Variants in SGPL1 observed in about 807,000 individuals in gnomAD.
The protein encoded by SGPL1 is sphingosine-1-phosphate lyase 1.
In SGPL1, 37 loss-of-function variants were observed where a neutral mutation model predicts 68.9. The ratio of observed to expected loss-of-function variants is 0.54; its 90% confidence interval spans 0.41 to 0.71. The LOEUF is 0.71. Ranked by LOEUF, SGPL1 falls within the 30% of genes least tolerant of loss-of-function variation. The pLI is 0.00. For missense variants in SGPL1, 551 were observed against 704.6 expected, an observed-to-expected ratio of 0.78 and a Z score of 2.47; for synonymous variants, 236 against 248.5, an observed-to-expected ratio of 0.95 and a Z score of 0.47.
rs113187186 is a variant in SGPL1 at position 70,877,567 on chromosome 10, T to C, written c.*232T>C. 2.5e-5 allele frequency: 12 copies of C among 483,406 alleles called. No individual in the cohort carries two copies. The highest frequency in any genetic ancestry group is 1.1e-4 in the African/African-American group (6 of 52,872). The allele number at this position is 483,406 out of a possible 1,614,324, so 29.9% of individuals were successfully genotyped here. ...TTACATAATGATTTTGCCCTTGTTA[T>C]AAATGTTACCCTAGGAATTGTTTTA... On this transcript the variant is annotated 3_prime_UTR_variant, in exon 15 of 15. Transcript: ENST00000373202.
chr10:70,859,120 G>A (rs755805694), intron 6 of SGPL1, among the ~76,000 whole-genome samples: 2 of 152,160 alleles, frequency 1.3e-5, no homozygotes, highest in Non-Finnish European at 2.9e-5. Context: ...CTTCCTCCTG[G>A]GTCGGTTTGG....
intron 2 of SGPL1, among the ~76,000 whole-genome samples, chr10:70,840,364 AG>A (rs1452329565): frequency 6.6e-6 from 1 of 152,012 alleles, no homozygotes; most frequent in African/African-American, 2.4e-5. Flanking sequence ...GTGCTTCCCA[AG>A]GGCTAGAGTA....
At chr10:70,818,654 A>G (rs1012232727) in intron 2 of SGPL1, among the ~76,000 whole-genome samples, 2 of 152,282 alleles carry the variant, frequency 1.3e-5, no homozygotes, top group South Asian at 4.1e-4. Flanking sequence ...GTTTTGATCC[A>G]TTGTGATTTG....
intron 2 of SGPL1, among the ~76,000 whole-genome samples, chr10:70,842,966 C>T (rs1845738662): frequency 6.6e-6 from 1 of 151,434 alleles, no homozygotes; most frequent in Admixed American, 6.6e-5. Flanking sequence ...GAAATGGTCC[C>T]TGCCATCATG....
At chr10:70,848,211 A>C (rs1200434446) in intron 3 of SGPL1, among the ~76,000 whole-genome samples, 2 of 152,180 alleles carry the variant, frequency 1.3e-5, no homozygotes, top group Non-Finnish European at 2.9e-5. Context: ...TGGACATCAT[A>C]ATAGCTGCTT....
At chr10:70,857,461 T>C (rs1839223203) in intron 5 of SGPL1, 153 bp from the exon 6 acceptor site, 2 of 607,826 alleles carry the variant, frequency 3.3e-6, no homozygotes, top group Non-Finnish European at 5.9e-6. Flanking sequence ...CTATTGAACT[T>C]TTTTCTTGAT....
chr10:70,833,140 T>C (rs1400152136), intron 2 of SGPL1, among the ~76,000 whole-genome samples: 3 of 152,236 alleles, frequency 2.0e-5, no homozygotes, highest in Non-Finnish European at 2.9e-5. Flanking sequence ...GTGTGTTCTT[T>C]CTGTGGCCAA....
chr10:70,874,824 C>T (rs1219434051), intron 12 of SGPL1, among the ~76,000 whole-genome samples: 3 of 152,316 alleles, frequency 2.0e-5, no homozygotes, highest in East Asian at 3.9e-4. Context: ...ACTGCTTGAA[C>T]AGCCCAGGAA....
chr10:70,816,315 G>A (rs1277607046), intron 1 of SGPL1, among the ~76,000 whole-genome samples, 189 bp downstream of exon 1: 2 of 151,568 alleles, frequency 1.3e-5, no homozygotes, highest in African/African-American at 2.4e-5. Flanking sequence ...AGTGGACGGC[G>A]GGCGGGCGCG....
intron 2 of SGPL1, 80 bp from the exon 3 acceptor site, chr10:70,844,393 G>T (rs867267900): frequency 1.2e-5 from 15 of 1,298,206 alleles, no homozygotes; most frequent in Middle Eastern, 2.0e-4. Flanking sequence ...CTTGAAAAAT[G>T]AGAGTTGAAG....
chr10:70,847,211 G>A (rs1370528176), intron 3 of SGPL1, among the ~76,000 whole-genome samples: 1 of 152,052 alleles, frequency 6.6e-6, no homozygotes. Context: ...TCAGTGGCAT[G>A]ATCTTGGCTC....
chr10:70,828,948 G>C (rs919484031), intron 2 of SGPL1, among the ~76,000 whole-genome samples: 2 of 152,132 alleles, frequency 1.3e-5, no homozygotes, highest in Non-Finnish European at 2.9e-5. Context: ...CTTCTGAAAG[G>C]GGATGCCTTT....
chr10:70,875,206 T>C (rs1389815864), intron 12 of SGPL1, among the ~76,000 whole-genome samples, 196 bp from the exon 13 acceptor site: 1 of 152,200 alleles, frequency 6.6e-6, no homozygotes, highest in Non-Finnish European at 1.5e-5. Context: ...TATTGTTCCA[T>C]CTATGATTCT....
At chr10:70,860,800 T>C (rs1417430055) in intron 7 of SGPL1, among the ~76,000 whole-genome samples, 1 of 152,164 alleles carries the variant, frequency 6.6e-6, no homozygotes, top group Non-Finnish European at 1.5e-5. Flanking sequence ...ACATTAATAT[T>C]CATAGCAATG....
At chr10:70,860,991 C>CAT (rs1846041918) in intron 7 of SGPL1, among the ~76,000 whole-genome samples, 1 of 151,456 alleles carries the variant, frequency 6.6e-6, no homozygotes, top group Non-Finnish European at 1.5e-5. Context: ...GGTCCATTTA[C>CAT]ATGACCCAAG....
At chr10:70,864,596 A>T (rs1413745006) in intron 7 of SGPL1, among the ~76,000 whole-genome samples, 1 of 151,976 alleles carries the variant, frequency 6.6e-6, no homozygotes, top group Non-Finnish European at 1.5e-5. Flanking sequence ...TCATGTTCTT[A>T]TGATATTTTC....
intron 2 of SGPL1, among the ~76,000 whole-genome samples, chr10:70,830,570 C>T (rs2131860532): frequency 6.6e-6 from 1 of 152,162 alleles, no homozygotes; most frequent in South Asian, 2.1e-4. Flanking sequence ...CTAACAATGT[C>T]TCTTGTTCTC....
intron 2 of SGPL1, among the ~76,000 whole-genome samples, chr10:70,832,845 T>C (rs898509254): frequency 6.6e-6 from 1 of 152,236 alleles, no homozygotes; most frequent in Non-Finnish European, 1.5e-5. Flanking sequence ...CTCTTATCTC[T>C]GTGTCCTTCA....
chr10:70,845,135 TCC>T (rs1304625660), intron 3 of SGPL1, among the ~76,000 whole-genome samples: 2 of 152,142 alleles, frequency 1.3e-5, no homozygotes, highest in Non-Finnish European at 2.9e-5. Context: ...TAACTAATAC[TCC>T]TTACATTGAT....
Sources: gnomAD v4.1 joint callset for allele counts (sites outside exome capture counted in the v4.1 genomes callset) on GRCh38, gnomAD v4.1.1 for gene constraint, MANE v1.5 for transcripts, NCBI Gene and HGNC (gene_info 2026-07-23, HGNC 2026-07-21) for gene names.